SOX5: variants seen among roughly 807,000 people sequenced by gnomAD.
SOX5 encodes transcription factor SOX-5.
A neutral mutation model predicts 92.0 loss-of-function variants in SOX5; 9 were observed. The ratio of observed to expected loss-of-function variants is 0.10; its 90% CI spans 0.06 to 0.17. The LOEUF (loss-of-function observed/expected upper bound fraction) is 0.17, where lower values mean the gene tolerates loss of function less well. Among genes scored for constraint, SOX5 ranks in the 10% least tolerant of loss-of-function variants. The pLI, the probability that SOX5 is intolerant of heterozygous loss-of-function variation, is 1.00. For missense variants in SOX5, 642 were observed against 944.5 expected, an observed-to-expected ratio of 0.68 and a Z score of 4.20; for synonymous variants, 344 against 336.3, an observed-to-expected ratio of 1.02 and a Z score of -0.25.
At chr12:24,293,854 C>T (rs1039374804) in intron 2 of SOX5, among the ~76,000 whole-genome samples, 2 of 152,118 alleles carry the variant, frequency 1.3e-5, no homozygotes, top group Non-Finnish European at 2.9e-5. Context: ...TAGCCTTTCT[C>T]CTCCTCAAAT....
At chr12:23,640,751 A>T in intron 8 of SOX5, 61 bp downstream of exon 8, 1 of 1,202,994 alleles carries the variant, frequency 8.3e-7, no homozygotes, top group South Asian at 1.2e-5. Flanking sequence ...CTTTAACACC[A>T]TAATAGCTGT....
At chr12:24,241,759 T>C (rs1412100592) in intron 3 of SOX5, among the ~76,000 whole-genome samples, 1 of 152,172 alleles carries the variant, frequency 6.6e-6, no homozygotes, top group Admixed American at 6.5e-5. Flanking sequence ...CAAGCAAAGT[T>C]GCCATTTGTA....
intron 4 of SOX5, among the ~76,000 whole-genome samples, chr12:24,116,384 T>C (rs1947998481): frequency 6.6e-6 from 1 of 152,112 alleles, no homozygotes; most frequent in South Asian, 2.1e-4. Context: ...AATAATCTTA[T>C]TAATGCATTA....
intron 3 of SOX5, among the ~76,000 whole-genome samples, chr12:23,778,818 C>T (rs910304544): frequency 6.6e-6 from 1 of 152,088 alleles, no homozygotes; most frequent in African/African-American, 2.4e-5. Flanking sequence ...TGGTGAGACT[C>T]AAGGCCAAAA....
At chr12:24,286,831 A>G (rs1330894097) in intron 2 of SOX5, among the ~76,000 whole-genome samples, 1 of 152,246 alleles carries the variant, frequency 6.6e-6, no homozygotes, top group East Asian at 1.9e-4. Context: ...TACAGAAAGA[A>G]CGGGTCACTC....
chr12:24,354,556 G>A (rs1310100820), intron 2 of SOX5, among the ~76,000 whole-genome samples: 1 of 152,250 alleles, frequency 6.6e-6, no homozygotes, highest in African/African-American at 2.4e-5. Flanking sequence ...TGCTTGGAAA[G>A]ACTCTTGACT....
At chr12:24,006,386 A>C (rs957799337) in intron 4 of SOX5, among the ~76,000 whole-genome samples, 2 of 152,178 alleles carry the variant, frequency 1.3e-5, no homozygotes, top group South Asian at 2.1e-4. Flanking sequence ...GGGTTCCATT[A>C]TCCTGAAATT....
chr12:23,959,140 TATC>T (rs1173331740), intron 4 of SOX5, among the ~76,000 whole-genome samples: 1 of 151,924 alleles, frequency 6.6e-6, no homozygotes, highest in African/African-American at 2.4e-5. Context: ...ATTAAAATAC[TATC>T]ATATTTAAAG....
At chr12:24,511,724 T>C (rs1409315639) in intron 1 of SOX5, among the ~76,000 whole-genome samples, 6 of 152,222 alleles carry the variant, frequency 3.9e-5, no homozygotes, top group South Asian at 2.1e-4. Context: ...TTTGGGAGGC[T>C]GAGGTGGGCG....
chr12:24,501,469 C>T (rs946395336), intron 1 of SOX5, among the ~76,000 whole-genome samples: 1 of 151,802 alleles, frequency 6.6e-6, no homozygotes, highest in South Asian at 2.1e-4. Context: ...TGTAAATAGG[C>T]TATATTTTGC....
intron 12 of SOX5, among the ~76,000 whole-genome samples, chr12:23,545,874 C>CA (rs113618801): frequency 0.13 from 16,606 of 130,004 alleles, 1,045 homozygotes; most frequent in South Asian, 0.15. Flanking sequence ...GTCCTCATCT[C>CA]AAAAAAAAAA....
chr12:23,657,020 GT>G (rs2082389313), intron 7 of SOX5, among the ~76,000 whole-genome samples: 1 of 152,030 alleles, frequency 6.6e-6, no homozygotes, highest in African/African-American at 2.4e-5. Flanking sequence ...TTTAAGAAAT[GT>G]TTGAGTATAC....
intron 3 of SOX5, among the ~76,000 whole-genome samples, chr12:24,240,908 T>C (rs1405971969): frequency 6.6e-6 from 1 of 152,224 alleles, no homozygotes; most frequent in Non-Finnish European, 1.5e-5. Flanking sequence ...CTTAATGACA[T>C]CATTTTAAAA....
chr12:23,801,588 AT>A (rs1222890559), intron 3 of SOX5, among the ~76,000 whole-genome samples: 3 of 152,126 alleles, frequency 2.0e-5, no homozygotes, highest in African/African-American at 4.8e-5. Context: ...AGGATATTAG[AT>A]TTCCCACCTT....
At chr12:23,889,916 T>C (rs939798983) in intron 2 of SOX5, among the ~76,000 whole-genome samples, 6 of 152,188 alleles carry the variant, frequency 3.9e-5, no homozygotes, top group Non-Finnish European at 8.8e-5. Context: ...ACTAGTAACA[T>C]ATTTTCAAAT....
intron 1 of SOX5, among the ~76,000 whole-genome samples, chr12:24,554,112 C>A (rs1953505882): frequency 6.6e-6 from 1 of 152,210 alleles, no homozygotes; most frequent in Non-Finnish European, 1.5e-5. Context: ...ACAGGAATAT[C>A]AAGCATCACA....
In SOX5 at chr12:23,557,983, A is replaced by G. The variant is rs575628232; in HGVS notation, c.1488+5275T>C. On this transcript the variant is annotated intron_variant, in intron 11 of 14. Transcript: ENST00000451604. ...AGAGCGAGACTCCGCCTCAAAAAAAAAAAAAAAAGACCCTGGACATGTAAG... is the reference window on the plus strand; with the variant it reads ...AGAGCGAGACTCCGCCTCAAAAAAAGAAAAAAAAGACCCTGGACATGTAAG... 2.6e-5 allele frequency among the ~76,000 whole-genome samples: 4 copies of G among 151,942 alleles called. No homozygotes were observed. The East Asian group carries it at 7.7e-4, about 29-fold the overall frequency.
At chr12:23,696,252 C>T (rs1051191699) in intron 6 of SOX5, among the ~76,000 whole-genome samples, 3 of 151,676 alleles carry the variant, frequency 2.0e-5, no homozygotes, top group African/African-American at 4.8e-5. Context: ...ACCATCTGGG[C>T]CTGGAATCTT....
intron 4 of SOX5, among the ~76,000 whole-genome samples, chr12:24,182,430 A>C (rs1955592124): frequency 6.6e-6 from 1 of 152,242 alleles, no homozygotes; most frequent in African/African-American, 2.4e-5. Context: ...GCTGTAAAGC[A>C]AAATGATTTG....
Sources: gnomAD v4.1 joint callset for allele counts (sites outside exome capture counted in the v4.1 genomes callset) on GRCh38, gnomAD v4.1.1 for gene constraint, MANE v1.5 for transcripts, NCBI Gene and HGNC (gene_info 2026-07-23, HGNC 2026-07-21) for gene names.